Variants in IFT52 observed in about 807,000 individuals in gnomAD.
IFT52 encodes the protein intraflagellar transport 52.
A neutral mutation model predicts 54.4 loss-of-function variants in IFT52; 44 were observed. The observed-to-expected ratio is 0.81, with a 90% CI of 0.63 to 1.04. IFT52 has a LOEUF of 1.04. IFT52 is among the 50% of genes least tolerant of loss of function. IFT52 has a pLI of 0.00. For synonymous variants in IFT52, 181 were observed against 185.3 expected (o/e 0.98, Z 0.19); for missense variants, 452 against 523.6 (o/e 0.86, Z 1.33).
Position 43,635,994 on chromosome 20 carries a change from T to G in IFT52, c.992T>G (p.Leu331Arg), listed in dbSNP as rs757886744. The G allele has an allele frequency of 1.9e-6, 3 of 1,614,204 alleles. No individual in the cohort carries two copies. Among genetic ancestry groups the G allele is most frequent in the South Asian group, 2.2e-5 (2 of 91,090 alleles). Residue 331 changes from leucine to arginine, a missense_variant, in exon 11 of 14, where the codon CTG becomes CGG. Transcript: ENST00000373030. ...QLIQPQFETPLPTLQPAVFPP... is the reference protein window; with the variant it reads ...QLIQPQFETPRPTLQPAVFPP... The stretch of plus-strand genomic sequence containing the variant: ...ATCCAGCCTCAGTTTGAGACGCCGC[T>G]GCCAACCCTTCAGCCTGCGGTGAGT...
At chr20:43,625,862 G>A (rs564556378) in intron 10 of IFT52, among the ~76,000 whole-genome samples, 2 of 151,838 alleles carry the variant, frequency 1.3e-5, no homozygotes, top group South Asian at 2.1e-4. Context: ...TATCCCGAAC[G>A]TCAAGGAGCA....
rs142782785 is a variant in IFT52, at chr20:43,611,964, A to T, written c.486-1886A>T. Among the ~76,000 whole-genome samples the T allele has an allele frequency of 7.7e-3, 1,168 of 152,110 alleles. 21 individuals are homozygous for T. The highest frequency in any genetic ancestry group is 0.026 in the African/African-American group (1,090 of 41,534). ...GGAATTGCCTGAACCCAGGAGGCAG[A>T]GGTTGCAGTAAGCTGAGATCACGCC... On this transcript the variant is annotated intron_variant, in intron 6 of 13. Transcript: ENST00000373030.
chr20:43,593,831 T>G (rs553949127), intron 1 of IFT52, among the ~76,000 whole-genome samples: 1 of 152,256 alleles, frequency 6.6e-6, no homozygotes, highest in African/African-American at 2.4e-5. Flanking sequence ...CTCAAAGTGC[T>G]GGAGTTACAG....
At chr20:43,620,806 C>A in intron 8 of IFT52, 51 bp from the exon 9 acceptor site, 2 of 1,356,118 alleles carry the variant, frequency 1.5e-6, no homozygotes, top group Non-Finnish European at 2.1e-6. Context: ...TGACCTTCAG[C>A]TTTTTCAAAT....
chr20:43,626,841 G>GACCATCTAAA (rs1984756313), intron 10 of IFT52, among the ~76,000 whole-genome samples: 1 of 152,008 alleles, frequency 6.6e-6, no homozygotes, highest in Non-Finnish European at 1.5e-5. Context: ...TGAGCCCTGG[G>GACCATCTAAA]GCACCCCAGA....
chr20:43,647,260 T>C lies in IFT52; in HGVS notation c.*277T>C. ...GATTTTTTTTTCTCAACCCCAGTTC[T>C]GGATTTGAGTCTTTTATCAAAGACA... On this transcript the variant is annotated 3_prime_UTR_variant, in exon 14 of 14. Coordinates refer to ENST00000373030, the MANE Select transcript of IFT52 (RefSeq NM_016004.5). 1 of 457,760 alleles carries C rather than the reference T, an allele frequency of 2.2e-6. No individual in the cohort carries two copies. The highest frequency in any genetic ancestry group is 3.9e-6 in the Non-Finnish European group (1 of 259,196). The allele number at this position is 457,760 out of a possible 1,614,324, so 28.4% of individuals were successfully genotyped here.
At chr20:43,627,677 C>T (rs1320827863) in intron 10 of IFT52, among the ~76,000 whole-genome samples, 1 of 151,776 alleles carries the variant, frequency 6.6e-6, no homozygotes, top group East Asian at 1.9e-4. Flanking sequence ...AAATGGCTGG[C>T]GTGAAACACA....
At position 43,620,843 on chromosome 20, in the gene IFT52, T is replaced by C. The variant is rs1394395356; in HGVS notation, c.700-14T>C. 6.2e-7 allele frequency: 1 copy of C among 1,600,620 alleles called. No individual in the cohort carries two copies. Among genetic ancestry groups the C allele is most frequent in the East Asian group, 2.2e-5 (1 of 44,740 alleles). The stretch of plus-strand genomic sequence containing the variant: ...ACCAACTGTCCTAATTATATACTTT[T>C]TTTTTTAATTTAGGATGTTGTTTTC... On this transcript the variant is annotated splice_polypyrimidine_tract_variant and intron_variant, in intron 8 of 13. Coordinates refer to ENST00000373030, the MANE Select transcript of IFT52 (RefSeq NM_016004.5).
At chr20:43,598,062 G>A (rs937486909) in intron 3 of IFT52, among the ~76,000 whole-genome samples, 5 of 152,272 alleles carry the variant, frequency 3.3e-5, no homozygotes, top group African/African-American at 1.2e-4. Flanking sequence ...CGGCAGATGA[G>A]TAGATAAGAT....
At chr20:43,607,189 T>G (rs146734714) in intron 6 of IFT52, among the ~76,000 whole-genome samples, 2 of 137,194 alleles carry the variant, frequency 1.5e-5, no homozygotes, top group African/African-American at 5.6e-5. Context: ...ACCTCCTGGA[T>G]GGGGCGGCTG....
intron 12 of IFT52, among the ~76,000 whole-genome samples, chr20:43,640,700 A>G (rs988990329): frequency 2.6e-5 from 4 of 152,164 alleles, no homozygotes; most frequent in East Asian, 1.9e-4. Flanking sequence ...AGTAAAAAAC[A>G]TACATTTCTA....
At chr20:43,625,005 T>A (rs766863818) in intron 10 of IFT52, among the ~76,000 whole-genome samples, 1 of 152,098 alleles carries the variant, frequency 6.6e-6, no homozygotes, top group African/African-American at 2.4e-5. Context: ...CAGCAAGTAT[T>A]TGTGGCACAA....
intron 10 of IFT52, among the ~76,000 whole-genome samples, chr20:43,633,414 A>G (rs1985308041): frequency 6.6e-6 from 1 of 152,110 alleles, no homozygotes; most frequent in Middle Eastern, 3.4e-3. Context: ...CACTATGATT[A>G]AGACAGAATT....
intron 3 of IFT52, among the ~76,000 whole-genome samples, chr20:43,597,890 CAAAAAAAAAA>C (rs36068236): frequency 9.8e-6 from 1 of 102,034 alleles, no homozygotes; most frequent in African/African-American, 3.9e-5. Context: ...GAGACTCTTT[CAAAAAAAAAA>C]AAAAAAAAAA....
intron 7 of IFT52, among the ~76,000 whole-genome samples, chr20:43,617,146 CT>C (rs1299856030): frequency 2.0e-5 from 3 of 152,050 alleles, no homozygotes; most frequent in Non-Finnish European, 4.4e-5. Context: ...TTCTGAATTA[CT>C]TTTTTGTGAA....
At chr20:43,604,149 C>T (rs6065635) in intron 4 of IFT52, 34 bp from the exon 5 acceptor site, 2 of 1,526,564 alleles carry the variant, frequency 1.3e-6, no homozygotes, top group Non-Finnish European at 1.8e-6. Context: ...TATTTCTAAC[C>T]TAAAATATAC....
At chr20:43,615,728 G>A (rs1450072195) in intron 7 of IFT52, among the ~76,000 whole-genome samples, 1 of 152,036 alleles carries the variant, frequency 6.6e-6, no homozygotes. Context: ...CACGAGGTCA[G>A]GAGATTGAGA....
At chr20:43,620,157 TCCAC>T (rs1984179200) in intron 8 of IFT52, among the ~76,000 whole-genome samples, 1 of 151,980 alleles carries the variant, frequency 6.6e-6, no homozygotes, top group African/African-American at 2.4e-5. Context: ...CTTCAGGTGA[TCCAC>T]CTGCCTCAGC....
chr20:43,596,337 T>C, intron 2 of IFT52, 98 bp from the exon 3 acceptor site: 1 of 714,234 alleles, frequency 1.4e-6, no homozygotes, highest in Non-Finnish European at 2.4e-6. Context: ...TCTCTGAGCC[T>C]CTGTGGCCTC....
Sources: allele counts gnomAD v4.1 joint callset (sites outside exome capture counted in the v4.1 genomes callset), GRCh38; gene constraint gnomAD v4.1.1; transcripts MANE v1.5; gene names NCBI Gene and HGNC (gene_info 2026-07-23, HGNC 2026-07-21).